TRAPPC10: variants seen among roughly 807,000 people sequenced by gnomAD.
TRAPPC10 encodes the protein TRAPP 130 kDa subunit.
Under a neutral mutation model 125.5 loss-of-function variants are expected in TRAPPC10, and 23 were observed. The ratio of observed to expected loss-of-function variants is 0.18; its 90% CI spans 0.13 to 0.26. TRAPPC10 has a LOEUF of 0.26. Ranked by LOEUF, TRAPPC10 falls within the 10% of genes least tolerant of loss-of-function variation. The pLI, the probability that TRAPPC10 is intolerant of heterozygous loss-of-function variation, is 1.00. For missense variants in TRAPPC10, 1,123 were observed against 1,308.4 expected (o/e 0.86, Z 2.19); for synonymous variants, 509 against 518.0 (o/e 0.98, Z 0.24).
intron 12 of TRAPPC10, 82 bp downstream of exon 12, chr21:44,079,786 C>A: frequency 6.9e-7 from 1 of 1,448,934 alleles, no homozygotes; most frequent in Non-Finnish European, 9.4e-7. Context: ...GTTTCATTCA[C>A]ACCTATTATT....
chr21:44,081,615 C>T (rs2037746803), intron 13 of TRAPPC10, among the ~76,000 whole-genome samples: 1 of 152,202 alleles, frequency 6.6e-6, no homozygotes, highest in African/African-American at 2.4e-5. Context: ...CAACCTGACC[C>T]TGAAACTTCT....
intron 7 of TRAPPC10, among the ~76,000 whole-genome samples, chr21:44,073,379 G>T (rs928628828): frequency 2.0e-5 from 3 of 152,188 alleles, no homozygotes; most frequent in Non-Finnish European, 4.4e-5. Flanking sequence ...CATGAAGTCA[G>T]TGCCACCAGA....
intron 18 of TRAPPC10, among the ~76,000 whole-genome samples, chr21:44,091,075 C>T (rs1245808209): frequency 6.6e-6 from 1 of 152,150 alleles, no homozygotes; most frequent in Admixed American, 6.5e-5. Context: ...CCTGTAATCC[C>T]AGCTACTCGG....
rs201514621 is a variant in TRAPPC10, at chr21:44,025,821, G to T, written c.68-6270G>T. On this transcript the variant is annotated intron_variant, in intron 1 of 22. Transcript: ENST00000291574. ...CTGGGAGAGAGCAGCAGAGGGCAGG[G>T]GTGTGTGTGTGTGTGTGTGTGTGTG... Among the ~76,000 whole-genome samples, 32 of 109,936 alleles carry T rather than the reference G, an allele frequency of 2.9e-4. 1 individual carries two copies. Among genetic ancestry groups the T allele is most frequent in the African/African-American group, 1.1e-3 (32 of 29,114 alleles). 72.1% of individuals were successfully genotyped at this position (109,936 alleles called of 152,430 possible). A position where few individuals can be genotyped will look rare whatever the true frequency, so the allele number is the denominator to read the frequency against.
At chr21:44,051,885 C>A (rs1462401334) in intron 3 of TRAPPC10, among the ~76,000 whole-genome samples, 1 of 152,198 alleles carries the variant, frequency 6.6e-6, no homozygotes, top group Non-Finnish European at 1.5e-5. Context: ...AGGCACGGCA[C>A]ACAGCAGGAT....
At chr21:44,068,998 C>T (rs2145970751) in intron 7 of TRAPPC10, among the ~76,000 whole-genome samples, 1 of 152,166 alleles carries the variant, frequency 6.6e-6, no homozygotes, top group East Asian at 1.9e-4. Context: ...TTGATCTCAC[C>T]CCATAAACAA....
chr21:44,064,148 A>G (rs1418310556), intron 7 of TRAPPC10, among the ~76,000 whole-genome samples: 1 of 152,168 alleles, frequency 6.6e-6, no homozygotes, highest in Non-Finnish European at 1.5e-5. Context: ...CATTTATTTT[A>G]TTTCAGACAC....
intron 10 of TRAPPC10, among the ~76,000 whole-genome samples, chr21:44,077,398 G>A (rs2037365189): frequency 6.6e-6 from 1 of 152,208 alleles, no homozygotes; most frequent in Non-Finnish European, 1.5e-5. Flanking sequence ...GACCAGCCTA[G>A]CCAACATGGT....
intron 3 of TRAPPC10, among the ~76,000 whole-genome samples, chr21:44,049,690 C>G (rs1461566024): frequency 6.6e-6 from 1 of 152,158 alleles, no homozygotes; most frequent in Admixed American, 6.5e-5. Context: ...ACCCTCCTCA[C>G]TGCTGAGCTC....
intron 3 of TRAPPC10, among the ~76,000 whole-genome samples, chr21:44,041,606 A>G (rs943275836): frequency 2.0e-5 from 3 of 152,182 alleles, no homozygotes; most frequent in African/African-American, 7.2e-5. Context: ...TCCCGACCTC[A>G]GGTGATCTGC....
intron 7 of TRAPPC10, among the ~76,000 whole-genome samples, chr21:44,065,675 T>C (rs1212056419): frequency 1.3e-5 from 2 of 152,296 alleles, no homozygotes; most frequent in Non-Finnish European, 2.9e-5. Context: ...CCTCCTTACA[T>C]GCGCTGTGCC....
At chr21:44,032,984 C>G (rs1055009074) in intron 2 of TRAPPC10, among the ~76,000 whole-genome samples, 12 of 152,334 alleles carry the variant, frequency 7.9e-5, no homozygotes, top group African/African-American at 2.9e-4. Flanking sequence ...TTAGATCAGC[C>G]ATCACCGTTG....
intron 1 of TRAPPC10, among the ~76,000 whole-genome samples, chr21:44,017,314 ATTTCACAGACCCTTAGCTGT>A (rs2147124933): frequency 6.6e-6 from 1 of 152,280 alleles, no homozygotes; most frequent in East Asian, 1.9e-4. Context: ...TTCTTACATA[ATTTCACAGACCCTTAGCTGT>A]GAAACGGGTA....
In TRAPPC10 at chr21:44,059,163, G is replaced by A. The variant is rs747629837; in HGVS notation, c.739G>A (p.Asp247Asn). ...GTTCGAGGACGCCCTGGTGCAGTAC[G>A]ACGAACTGGACGCCCTCTTCTCTCA... ...QQFEDALVQY[D>N]ELDALFSQYV... The change falls in exon 6 of 23, where the codon GAC becomes AAC. Residue 247 changes from aspartate to asparagine, a missense_variant. Physicochemically the swap from Asp to Asn is conservative, Grantham distance 23. This residue lies in a region of TRAPPC10 where 91 missense variants were observed against 127.1 expected (regional missense o/e 0.72). Coordinates refer to ENST00000291574, the MANE Select transcript of TRAPPC10 (RefSeq NM_003274.5). This position sits in a 1 kb window ranked among gnomAD's most constrained non-coding sequence, Gnocchi z 4.4. 1.2e-6 allele frequency: 2 copies of A among 1,612,108 alleles called. No individual in the cohort carries two copies. Among genetic ancestry groups the A allele is most frequent in the East Asian group, 2.2e-5 (1 of 44,864 alleles).
In TRAPPC10 at chr21:44,087,652, T is replaced by C. The variant is rs2038234493; in HGVS notation, c.2540-47T>C. On this transcript the variant is annotated intron_variant, in intron 16 of 22. Transcript: ENST00000291574. The surrounding 1 kb of genome is among the most constrained non-coding windows in gnomAD (Gnocchi z 4.6). ...CACCTGCTGTAAGGAAAAGGACAAG[T>C]GAAACCGAGGGAACAGCTTTGAAGT... is the stretch of plus-strand genomic sequence containing the variant. 6.4e-7 allele frequency: 1 copy of C among 1,560,600 alleles called. No individual in the cohort carries two copies. Among genetic ancestry groups the C allele is most frequent in the Non-Finnish European group, 8.8e-7 (1 of 1,140,364 alleles).
intron 17 of TRAPPC10, 81 bp from the exon 18 acceptor site, chr21:44,089,752 A>G: frequency 9.7e-7 from 1 of 1,033,916 alleles, no homozygotes; most frequent in Non-Finnish European, 1.5e-6. Flanking sequence ...CGGGCACTGC[A>G]GGTGAGTCTG....
chr21:44,075,253 A>G, intron 9 of TRAPPC10, 100 bp downstream of exon 9: 2 of 809,710 alleles, frequency 2.5e-6, no homozygotes, highest in Non-Finnish European at 4.1e-6. Flanking sequence ...GAGTAATCAT[A>G]TTACTCACCA....
In TRAPPC10 at chr21:44,059,243, CT is replaced by C; in HGVS notation, c.790+33del. On this transcript the variant is annotated intron_variant, in intron 6 of 22. Coordinates refer to ENST00000291574, the MANE Select transcript of TRAPPC10 (RefSeq NM_003274.5). This position sits in a 1 kb window ranked among gnomAD's most constrained non-coding sequence, Gnocchi z 4.4. Reference sequence around the variant, plus strand: ...AGTAGTGGCACTTCAGTAACGCATGCTTTTCTTAGTGTGGCTTTCTCCAACT... The same window carrying C: ...AGTAGTGGCACTTCAGTAACGCATGCTTTCTTAGTGTGGCTTTCTCCAACT... 1 of 1,517,838 alleles carries C rather than the reference CT, an allele frequency of 6.6e-7. No homozygotes were observed. Among genetic ancestry groups the C allele is most frequent in the Non-Finnish European group, 9.0e-7 (1 of 1,113,254 alleles). 94.0% of individuals were successfully genotyped at this position (1,517,838 alleles called of 1,614,324 possible).
intron 1 of TRAPPC10, among the ~76,000 whole-genome samples, chr21:44,031,312 T>C (rs1197698968): frequency 6.6e-6 from 1 of 152,186 alleles, no homozygotes; most frequent in South Asian, 2.1e-4. Flanking sequence ...AGAATTTTAG[T>C]CATCTATATT....
Sources: allele counts gnomAD v4.1 joint callset (sites outside exome capture counted in the v4.1 genomes callset), GRCh38; gene constraint gnomAD v4.1.1; regional missense constraint gnomAD v4.1.1; non-coding constraint Gnocchi (gnomAD v3.1); transcripts MANE v1.5; gene names NCBI Gene and HGNC (gene_info 2026-07-23, HGNC 2026-07-21).